The following CAPN8 variants were observed in gnomAD, a reference collection of about 807,000 sequenced individuals.
The protein encoded by CAPN8 is calpain-8.
A neutral mutation model predicts 80.9 loss-of-function variants in CAPN8; 87 were observed. The observed-to-expected ratio is 1.07, with a 90% confidence interval of 0.90 to 1.28. The LOEUF (loss-of-function observed/expected upper bound fraction) is 1.28. Ranked by LOEUF, CAPN8 falls within the 50% of genes most tolerant of loss-of-function variation. The probability of loss-of-function intolerance (pLI) is 0.00; values close to 1 mark genes in which losing one functional copy is unlikely to be tolerated. For missense variants in CAPN8, 757 were observed against 702.0 expected (o/e 1.08, Z -0.89); for synonymous variants, 299 against 273.8 (o/e 1.09, Z -0.91).
chr1:223,639,239 CAAAAAATA>C (rs1352182867), intron 2 of CAPN8, among the ~76,000 whole-genome samples: 2 of 151,624 alleles, frequency 1.3e-5, no homozygotes, highest in Non-Finnish European at 2.9e-5. Flanking sequence ...GATTCCATCT[CAAAAAATA>C]AAAAAATAAA....
At chr1:223,660,612 G>C (rs904859249) in intron 1 of CAPN8, among the ~76,000 whole-genome samples, 4 of 152,346 alleles carry the variant, frequency 2.6e-5, no homozygotes, top group African/African-American at 4.8e-5. Context: ...AGCAGGGGCA[G>C]GATGTCAAAT....
Position 223,541,786 on chromosome 1 carries a change from A to G in CAPN8, c.*50T>C. On this transcript the variant is annotated 3_prime_UTR_variant, in exon 21 of 21. Coordinates refer to ENST00000366872, the MANE Select transcript of CAPN8 (RefSeq NM_001143962.2). ...CACAAAATTGTAGAGAAGGGGTGACAAGAAGCAAGCAGTGGGGCAGGGAGT... is the reference window on the plus strand; with the variant it reads ...CACAAAATTGTAGAGAAGGGGTGACGAGAAGCAAGCAGTGGGGCAGGGAGT... The G allele has an allele frequency of 6.4e-7, 1 of 1,551,496 alleles. No individual in the cohort carries two copies. The highest frequency in any genetic ancestry group is 8.7e-7 in the Non-Finnish European group (1 of 1,146,920).
At chr1:223,658,422 T>C (rs1658554700) in intron 1 of CAPN8, among the ~76,000 whole-genome samples, 1 of 152,146 alleles carries the variant, frequency 6.6e-6, no homozygotes, top group African/African-American at 2.4e-5. Context: ...ATTCAAAAAA[T>C]GCCCCCACCC....
chr1:223,632,697 C>T (rs1476818922), intron 2 of CAPN8, among the ~76,000 whole-genome samples: 1 of 152,190 alleles, frequency 6.6e-6, no homozygotes, highest in Non-Finnish European at 1.5e-5. Flanking sequence ...TTTTCAAAAG[C>T]AGTCAGGAGG....
chr1:223,633,431 G>A lies in CAPN8; in HGVS notation c.308-4651C>T, dbSNP rs567096638. On this transcript the variant is annotated intron_variant, in intron 2 of 20. Transcript: ENST00000366872. ...AAAGAAATGTATTTGAGAGGCCAAG[G>A]CAGGTGGATCACTTGAGGTCAGGAG... 4.0e-5 allele frequency among the ~76,000 whole-genome samples: 6 copies of A among 151,824 alleles called. No homozygotes were observed. The East Asian group carries it at 1.2e-3, about 29-fold the overall frequency.
At chr1:223,541,901 G>T in intron 20 of CAPN8, 42 bp from the exon 21 acceptor site, 1 of 1,551,330 alleles carries the variant, frequency 6.4e-7, no homozygotes. Flanking sequence ...GCTTCTCAGG[G>T]GCTGGTGTGC....
At chr1:223,544,491 C>T (rs1486998882) in intron 18 of CAPN8, among the ~76,000 whole-genome samples, 1 of 152,204 alleles carries the variant, frequency 6.6e-6, no homozygotes, top group East Asian at 1.9e-4. Context: ...CTGGCCAGTT[C>T]CTGTCTGTCT....
In CAPN8 at chr1:223,616,056, C is replaced by T. The variant is rs1480351079; in HGVS notation, c.1225G>A (p.Val409Met). Residue 409 changes from valine (V) to methionine (M), a missense_variant, in exon 10 of 21, where the codon GTG (valine) becomes ATG (methionine). Coordinates refer to ENST00000366872, the MANE Select transcript of CAPN8 (RefSeq NM_001143962.2). ...TTTTTCTGCATCAGGCCCAGCAGCA[C>T]TGTACAGCAGGGTTCACCGATGCTC... Reference protein sequence around the residue: ...EESIGEPCCTVLLGLMQKNRR... With the variant: ...EESIGEPCCTMLLGLMQKNRR... 6.4e-7 allele frequency: 1 copy of T among 1,552,308 alleles called. No individual in the cohort carries two copies. The highest frequency in any genetic ancestry group is 2.0e-5 in the Admixed American group (1 of 51,022).
intron 14 of CAPN8, among the ~76,000 whole-genome samples, chr1:223,552,944 A>T (rs1297487490): frequency 6.6e-6 from 1 of 152,162 alleles, no homozygotes; most frequent in African/African-American, 2.4e-5. Flanking sequence ...CTAAAACATA[A>T]ATTGGCTCAT....
chr1:223,660,683 CAT>C (rs965772876), intron 1 of CAPN8, among the ~76,000 whole-genome samples: 1 of 152,188 alleles, frequency 6.6e-6, no homozygotes, highest in Non-Finnish European at 1.5e-5. Flanking sequence ...AGGACAAAAA[CAT>C]GTGTACATAC....
At chr1:223,639,474 A>G (rs974173334) in intron 2 of CAPN8, among the ~76,000 whole-genome samples, 1 of 152,220 alleles carries the variant, frequency 6.6e-6, no homozygotes, top group Non-Finnish European at 1.5e-5. Context: ...CACCACTGTA[A>G]GTTTTTACCT....
chr1:223,546,249 T>C (rs1656619717), intron 16 of CAPN8, among the ~76,000 whole-genome samples: 1 of 152,066 alleles, frequency 6.6e-6, no homozygotes, highest in Non-Finnish European at 1.5e-5. Flanking sequence ...AGCACCAATG[T>C]TAAAATTTTG....
At chr1:223,641,854 T>A (rs1265325598) in intron 2 of CAPN8, among the ~76,000 whole-genome samples, 2 of 152,232 alleles carry the variant, frequency 1.3e-5, no homozygotes, top group Non-Finnish European at 2.9e-5. Flanking sequence ...TTGATAAATA[T>A]TTAAATGAGT....
At chr1:223,657,561 G>C (rs964696421) in intron 1 of CAPN8, among the ~76,000 whole-genome samples, 2 of 152,004 alleles carry the variant, frequency 1.3e-5, no homozygotes, top group African/African-American at 4.8e-5. Context: ...GAGGTCAGGA[G>C]TTCAAGACCA....
At chr1:223,609,022 T>G (rs1210181641) in intron 12 of CAPN8, 131 bp downstream of exon 12, 6 of 224,452 alleles carry the variant, frequency 2.7e-5, no homozygotes, top group Non-Finnish European at 4.6e-5. Flanking sequence ...TCCTTTGGCC[T>G]TGTAGTTTCT....
At chr1:223,629,114 T>C (rs1657693899) in intron 2 of CAPN8, 1 of 315,684 alleles carries the variant, frequency 3.2e-6, no homozygotes, top group African/African-American at 2.1e-5. Context: ...TTAGTCCCTT[T>C]GGTCCCTTAT....
intron 1 of CAPN8, among the ~76,000 whole-genome samples, chr1:223,662,012 C>CATGGATGAATCTTGAGGATATTATG (rs1658657767): frequency 1.3e-5 from 2 of 152,112 alleles, no homozygotes; most frequent in Non-Finnish European, 2.9e-5. Flanking sequence ...TTGACATATG[C>CATGGATGAATCTTGAGGATATTATG]CACAACATGG....
At chr1:223,658,673 G>T (rs865841216) in intron 1 of CAPN8, among the ~76,000 whole-genome samples, 16 of 152,288 alleles carry the variant, frequency 1.1e-4, no homozygotes, top group African/African-American at 3.8e-4. Flanking sequence ...AGGCATGGTG[G>T]TGTGCACCTG....
chr1:223,653,966 A>T (rs1283783748), intron 2 of CAPN8, among the ~76,000 whole-genome samples: 1 of 152,228 alleles, frequency 6.6e-6, no homozygotes, highest in African/African-American at 2.4e-5. Flanking sequence ...TTACTTAGAT[A>T]TGGCCATTCC....
Sources: allele counts gnomAD v4.1 joint callset (sites outside exome capture counted in the v4.1 genomes callset), GRCh38; gene constraint gnomAD v4.1.1; transcripts MANE v1.5; gene names NCBI Gene and HGNC (gene_info 2026-07-23, HGNC 2026-07-21).